The following ST6GALNAC5 variants were observed in gnomAD, a reference collection of about 807,000 sequenced individuals.
ST6GALNAC5 encodes ST6 N-acetylgalactosaminide alpha-2,6-sialyltransferase 5.
Under a neutral mutation model 33.6 loss-of-function variants are expected in ST6GALNAC5, and 27 were observed. The observed-to-expected ratio is 0.80, with a 90% CI of 0.59 to 1.11. ST6GALNAC5 has a LOEUF of 1.11. Ranked by LOEUF, ST6GALNAC5 falls within the 50% of genes least tolerant of loss-of-function variation. ST6GALNAC5 has a pLI of 0.00. For synonymous variants in ST6GALNAC5, 194 were observed against 171.2 expected (o/e 1.13, Z -1.04); for missense variants, 428 against 454.0 (o/e 0.94, Z 0.52).
At chr1:77,046,094 C>T (rs1651998419) in intron 3 of ST6GALNAC5, among the ~76,000 whole-genome samples, 1 of 152,176 alleles carries the variant, frequency 6.6e-6, no homozygotes, top group African/African-American at 2.4e-5. Flanking sequence ...CTTACAAAAA[C>T]TGTTACTGAG....
chr1:77,063,464 A>G lies in ST6GALNAC5; in HGVS notation c.*258A>G, dbSNP rs529666286. On this transcript the variant is annotated 3_prime_UTR_variant, in exon 5 of 5. Coordinates refer to ENST00000477717, the MANE Select transcript of ST6GALNAC5 (RefSeq NM_030965.3). ...GGAGCTGAACATTCAATTCAGTTAC[A>G]CCACTATGACTAAAAACAGTTTGGA... is the stretch of plus-strand genomic sequence containing the variant. The G allele has an allele frequency of 4.2e-6, 2 of 472,448 alleles. No individual in the cohort carries two copies. The highest frequency in any genetic ancestry group is 7.7e-6 in the Non-Finnish European group (2 of 261,098). 29.3% of individuals were successfully genotyped at this position (472,448 alleles called of 1,614,324 possible). A position where few individuals can be genotyped will look rare whatever the true frequency, so the allele number is the denominator to read the frequency against.
chr1:77,011,138 G>A (rs1650619842), intron 2 of ST6GALNAC5, among the ~76,000 whole-genome samples: 1 of 137,930 alleles, frequency 7.3e-6, no homozygotes, highest in Non-Finnish European at 1.6e-5. Context: ...TCCAAGGTCT[G>A]CCACAACAGA....
intron 2 of ST6GALNAC5, among the ~76,000 whole-genome samples, chr1:76,983,551 A>G (rs1649345581): frequency 6.6e-6 from 1 of 152,192 alleles, no homozygotes; most frequent in Non-Finnish European, 1.5e-5. Flanking sequence ...TTAGACTCCC[A>G]CACAATAATA....
At chr1:77,011,661 G>T (rs1175926625) in intron 2 of ST6GALNAC5, among the ~76,000 whole-genome samples, 1 of 151,796 alleles carries the variant, frequency 6.6e-6, no homozygotes, top group Admixed American at 6.6e-5. Context: ...TGTATATGTA[G>T]TATGTAGTAC....
In ST6GALNAC5 at chr1:77,066,521, A is replaced by G. The variant is rs1652785049; in HGVS notation, c.*3315A>G. ...AGTAGAAGGAGAAAGTTGAAATTCT[A>G]TTAGGATTAAGACAGTGTTATTTAA... On this transcript the variant is annotated 3_prime_UTR_variant, in exon 5 of 5. Coordinates refer to ENST00000477717, the MANE Select transcript of ST6GALNAC5 (RefSeq NM_030965.3). Among the ~76,000 whole-genome samples, 1 of 152,240 alleles carries G rather than the reference A, an allele frequency of 6.6e-6. No individual in the cohort carries two copies. Among genetic ancestry groups the G allele is most frequent in the African/African-American group, 2.4e-5 (1 of 41,472 alleles).
chr1:76,937,295 C>A (rs974978273), intron 2 of ST6GALNAC5, among the ~76,000 whole-genome samples: 14 of 151,842 alleles, frequency 9.2e-5, no homozygotes, highest in African/African-American at 3.4e-4. Flanking sequence ...AAAAGTTTTG[C>A]AAAATCACAC....
chr1:77,013,873 T>A (rs1294031747), intron 2 of ST6GALNAC5, among the ~76,000 whole-genome samples: 1 of 152,210 alleles, frequency 6.6e-6, no homozygotes, highest in Non-Finnish European at 1.5e-5. Context: ...CAATCAACGA[T>A]TTGGCAGGTC....
At chr1:76,928,796 G>A (rs1647109549) in intron 2 of ST6GALNAC5, among the ~76,000 whole-genome samples, 1 of 151,972 alleles carries the variant, frequency 6.6e-6, no homozygotes, top group Non-Finnish European at 1.5e-5. Context: ...GGCTGTTTAG[G>A]TTCTGTTCCA....
intron 2 of ST6GALNAC5, among the ~76,000 whole-genome samples, chr1:77,041,473 G>T (rs540303633): frequency 6.6e-6 from 1 of 152,200 alleles, no homozygotes; most frequent in East Asian, 1.9e-4. Context: ...TCAGTGCCTG[G>T]TACGTAATAG....
intron 2 of ST6GALNAC5, among the ~76,000 whole-genome samples, chr1:77,019,482 G>A (rs1650975046): frequency 6.6e-6 from 1 of 152,210 alleles, no homozygotes; most frequent in Non-Finnish European, 1.5e-5. Flanking sequence ...ATTGCTGAAG[G>A]GAAGTGGAGA....
intron 2 of ST6GALNAC5, among the ~76,000 whole-genome samples, chr1:76,883,499 T>C (rs1175519289): frequency 1.3e-5 from 2 of 152,208 alleles, no homozygotes; most frequent in African/African-American, 4.8e-5. Context: ...ACAGAAATGA[T>C]AAGTAAGGGC....
chr1:76,927,951 A>T (rs1647101789), intron 2 of ST6GALNAC5, among the ~76,000 whole-genome samples: 2 of 152,196 alleles, frequency 1.3e-5, no homozygotes, highest in Non-Finnish European at 2.9e-5. Context: ...CCAGAAGAGT[A>T]ACCACATGTT....
chr1:77,006,739 T>TACA (rs1238320906), intron 2 of ST6GALNAC5, among the ~76,000 whole-genome samples: 1 of 152,220 alleles, frequency 6.6e-6, no homozygotes, highest in Non-Finnish European at 1.5e-5. Context: ...ATTAGTAGCT[T>TACA]ACAACAACAA....
intron 2 of ST6GALNAC5, among the ~76,000 whole-genome samples, chr1:76,993,679 G>T (rs1030058227): frequency 6.6e-6 from 1 of 152,136 alleles, no homozygotes; most frequent in Non-Finnish European, 1.5e-5. Flanking sequence ...CTCTGCCAGG[G>T]CTCTATTCCT....
In ST6GALNAC5 at chr1:77,044,361, G is replaced by C; in HGVS notation, c.419G>C (p.Ser140Thr). Residue 140 changes from serine (S) to threonine (T), a missense_variant, in exon 3 of 5, where the codon AGC (serine) becomes ACC (threonine). Transcript: ENST00000477717. ...GYGRDVGNRT[S>T]LRVIAHSSIQ... is the part of the protein sequence containing the mutation. Reference sequence around the variant, plus strand: ...GGGCGTGACGTGGGCAATCGCACCAGCCTGAGGGTCATCGCGCATTCCAGC... The same window carrying C: ...GGGCGTGACGTGGGCAATCGCACCACCCTGAGGGTCATCGCGCATTCCAGC... 1.9e-6 allele frequency: 3 copies of C among 1,613,904 alleles called. No homozygotes were observed. In the African/African-American group the frequency reaches 4.0e-5, roughly 22 times the overall value.
intron 2 of ST6GALNAC5, among the ~76,000 whole-genome samples, chr1:76,949,986 G>T (rs1040104918): frequency 2.0e-5 from 3 of 152,122 alleles, no homozygotes; most frequent in Non-Finnish European, 4.4e-5. Flanking sequence ...ACAGAGCCCT[G>T]CCTGTCACTG....
At chr1:76,911,642 A>G (rs1190315237) in intron 2 of ST6GALNAC5, among the ~76,000 whole-genome samples, 1 of 152,088 alleles carries the variant, frequency 6.6e-6, no homozygotes, top group Non-Finnish European at 1.5e-5. Flanking sequence ...GTCTATTCAG[A>G]GATTCAACTT....
chr1:77,018,195 A>T (rs1171543430), intron 2 of ST6GALNAC5, among the ~76,000 whole-genome samples: 1 of 152,186 alleles, frequency 6.6e-6, no homozygotes, highest in Non-Finnish European at 1.5e-5. Flanking sequence ...AGAAAGAGCC[A>T]CCCTTTAGAA....
chr1:77,019,267 G>C (rs985841205), intron 2 of ST6GALNAC5, among the ~76,000 whole-genome samples: 1 of 152,168 alleles, frequency 6.6e-6, no homozygotes, highest in African/African-American at 2.4e-5. Flanking sequence ...AAACAAAAAG[G>C]AGGCTCCCTT....
Sources: gnomAD v4.1 joint callset for allele counts (sites outside exome capture counted in the v4.1 genomes callset) on GRCh38, gnomAD v4.1.1 for gene constraint, MANE v1.5 for transcripts, NCBI Gene and HGNC (gene_info 2026-07-23, HGNC 2026-07-21) for gene names.